The following CDH13 variants were observed in gnomAD, a reference collection of about 807,000 sequenced individuals.
The protein encoded by CDH13 is cadherin-13.
CDH13 carries 24 observed loss-of-function variants against 63.8 expected under a neutral mutation model. The ratio of observed to expected loss-of-function variants is 0.38; its 90% CI spans 0.27 to 0.53. The LOEUF is 0.53. Among genes scored for constraint, CDH13 ranks in the 20% least tolerant of loss-of-function variants. The pLI, the probability that CDH13 is intolerant of heterozygous loss-of-function variation, is 0.85. For missense variants in CDH13, 1,049 were observed against 903.1 expected (o/e 1.16, Z -2.07); for synonymous variants, 503 against 355.3 (o/e 1.42, Z -4.67).
intron 7 of CDH13, among the ~76,000 whole-genome samples, chr16:83,592,118 C>G (rs1906817982): frequency 6.6e-6 from 1 of 152,170 alleles, no homozygotes. Flanking sequence ...CTGAGCTCAT[C>G]AGGGTGTTGG....
At chr16:82,711,406 G>A (rs966255480) in intron 1 of CDH13, among the ~76,000 whole-genome samples, 1 of 152,122 alleles carries the variant, frequency 6.6e-6, no homozygotes, top group Non-Finnish European at 1.5e-5. Context: ...CTGGAATGGG[G>A]AGGATGCAAG....
chr16:83,388,574 G>T (rs1338588001), intron 6 of CDH13, among the ~76,000 whole-genome samples: 2 of 152,164 alleles, frequency 1.3e-5, no homozygotes, highest in African/African-American at 4.8e-5. Flanking sequence ...GGCAGCTACA[G>T]TCCTCACCAC....
intron 10 of CDH13, chr16:83,721,415 G>T (rs577292671): frequency 1.3e-5 from 2 of 152,354 alleles, no homozygotes; most frequent in African/African-American, 4.8e-5. Context: ...GAGGTTTGCT[G>T]TTTAAAAATA....
intron 3 of CDH13, among the ~76,000 whole-genome samples, chr16:83,036,665 C>T (rs1368559326): frequency 6.6e-6 from 1 of 152,144 alleles, no homozygotes; most frequent in African/African-American, 2.4e-5. Context: ...CCTGTAAATT[C>T]TGACCCTTGA....
At chr16:82,861,637 C>A (rs1043292489) in intron 2 of CDH13, among the ~76,000 whole-genome samples, 18 of 152,192 alleles carry the variant, frequency 1.2e-4, no homozygotes, top group African/African-American at 4.3e-4. Flanking sequence ...GTCACCTCCA[C>A]TCCTTTTATT....
intron 1 of CDH13, among the ~76,000 whole-genome samples, chr16:82,777,547 C>T (rs578168386): frequency 2.0e-5 from 3 of 152,270 alleles, no homozygotes; most frequent in South Asian, 4.2e-4. Context: ...TCTGTACCAT[C>T]GTCTATAATA....
At chr16:83,603,731 G>A (rs148145529) in intron 8 of CDH13, among the ~76,000 whole-genome samples, 132 of 152,238 alleles carry the variant, frequency 8.7e-4, no homozygotes, top group African/African-American at 2.9e-3. Flanking sequence ...TTCCCCAATG[G>A]CCTCTGTATT....
At chr16:82,638,609 G>C (rs536841419) in intron 1 of CDH13, among the ~76,000 whole-genome samples, 73 of 152,194 alleles carry the variant, frequency 4.8e-4, no homozygotes, top group Non-Finnish European at 7.2e-4. Context: ...CTCACTTAAG[G>C]GGGGAAATGA....
At chr16:83,263,525 G>C (rs115325791) in intron 5 of CDH13, among the ~76,000 whole-genome samples, 151 of 152,222 alleles carry the variant, frequency 9.9e-4, no homozygotes, top group African/African-American at 3.3e-3. Context: ...CATAGGAATG[G>C]TCTTGACTCC....
chr16:83,713,526 T>G (rs1259788825), intron 10 of CDH13, among the ~76,000 whole-genome samples: 2 of 151,972 alleles, frequency 1.3e-5, no homozygotes, highest in African/African-American at 4.8e-5. Flanking sequence ...AAAAAAAATT[T>G]CCTCTTCAAA....
At chr16:82,861,300 C>A (rs560144593) in intron 2 of CDH13, among the ~76,000 whole-genome samples, 1 of 152,286 alleles carries the variant, frequency 6.6e-6, no homozygotes, top group Non-Finnish European at 1.5e-5. Flanking sequence ...TATTTAAGAG[C>A]TTTGGTTACC....
At chr16:83,059,778 T>G (rs76343013) in intron 3 of CDH13, among the ~76,000 whole-genome samples, 2 of 114,744 alleles carry the variant, frequency 1.7e-5, no homozygotes, top group Admixed American at 9.3e-5. Flanking sequence ...TTTGCCTTTG[T>G]TTTTTTTTTT....
chr16:83,711,308 A>G (rs894970647), intron 10 of CDH13, among the ~76,000 whole-genome samples: 1 of 152,214 alleles, frequency 6.6e-6, no homozygotes, highest in Non-Finnish European at 1.5e-5. Context: ...TGAGCAAACA[A>G]TAGCGGGAAA....
chr16:83,596,709 G>GGAA (rs2150743517), intron 7 of CDH13, among the ~76,000 whole-genome samples: 1 of 152,242 alleles, frequency 6.6e-6, no homozygotes, highest in East Asian at 1.9e-4. Context: ...AGAGGCAAGT[G>GGAA]GAAGGTATTC....
intron 2 of CDH13, among the ~76,000 whole-genome samples, chr16:83,020,885 T>G (rs1915283043): frequency 6.6e-6 from 1 of 152,224 alleles, no homozygotes; most frequent in African/African-American, 2.4e-5. Flanking sequence ...GGACACTTTG[T>G]CACATGTCCC....
At chr16:82,965,267 C>A (rs528506344) in intron 2 of CDH13, among the ~76,000 whole-genome samples, 3 of 152,300 alleles carry the variant, frequency 2.0e-5, no homozygotes, top group South Asian at 4.1e-4. Context: ...ACGATCTCTC[C>A]AAAGCCTGGG....
chr16:82,664,901 G>A (rs1912404898), intron 1 of CDH13, among the ~76,000 whole-genome samples: 1 of 152,072 alleles, frequency 6.6e-6, no homozygotes, highest in South Asian at 2.1e-4. Flanking sequence ...ATGAATACAT[G>A]TATATATGCA....
intron 6 of CDH13, among the ~76,000 whole-genome samples, chr16:83,469,876 G>C (rs2073411350): frequency 6.6e-6 from 1 of 152,192 alleles, no homozygotes; most frequent in Non-Finnish European, 1.5e-5. Flanking sequence ...AAAATACAAT[G>C]TGTGCATTAC....
At position 82,979,339 on chromosome 16, in the gene CDH13, T is replaced by C. The variant is rs77003502; in HGVS notation, c.158-52671T>C. ...GCAGAATTGTCTTTTGAAATGTGAG[T>C]ACACGGGATTTTGGAGAGTAGGGGC... On this transcript the variant is annotated intron_variant, in intron 2 of 13. Coordinates refer to ENST00000567109, the MANE Select transcript of CDH13 (RefSeq NM_001257.5). Among the ~76,000 whole-genome samples, 1,033 of 152,228 alleles carry C rather than the reference T, an allele frequency of 6.8e-3. 4 individuals are homozygous for C. Among genetic ancestry groups the C allele is most frequent in the African/African-American group, 0.017 (722 of 41,542 alleles).
Sources: allele counts gnomAD v4.1 joint callset (sites outside exome capture counted in the v4.1 genomes callset), GRCh38; gene constraint gnomAD v4.1.1; transcripts MANE v1.5; gene names NCBI Gene and HGNC (gene_info 2026-07-23, HGNC 2026-07-21).